The following MRTFA variants were observed in gnomAD, a reference collection of about 807,000 sequenced individuals.
MRTFA encodes myocardin related transcription factor A.
Under a neutral mutation model 83.5 loss-of-function variants are expected in MRTFA, and 20 were observed. The observed-to-expected ratio is 0.24, with a 90% CI of 0.17 to 0.35. The LOEUF (loss-of-function observed/expected upper bound fraction) is 0.35, where lower values mean the gene tolerates loss of function less well. Ranked by LOEUF, MRTFA falls within the 10% of genes least tolerant of loss-of-function variation. The pLI, the probability that MRTFA is intolerant of heterozygous loss-of-function variation, is 1.00. For missense variants in MRTFA, 1,200 were observed against 1,224.7 expected (o/e 0.98, Z 0.30); for synonymous variants, 659 against 541.2 (o/e 1.22, Z -3.02).
rs143491858 is a variant in MRTFA, at chr22:40,573,300, G to A, written c.-21-20933C>T. 4.1e-3 allele frequency among the ~76,000 whole-genome samples: 617 copies of A among 152,214 alleles called. 2 individuals are homozygous for A. The highest frequency in any genetic ancestry group is 6.8e-3 in the Middle Eastern group (2 of 294). On this transcript the variant is annotated intron_variant, in intron 2 of 14. Transcript: ENST00000355630. ...GACTGAATCTTGCTCTGTCACCCAG[G>A]CTGGAGTGCAGTGGCACTATCTCAG...
intron 3 of MRTFA, among the ~76,000 whole-genome samples, chr22:40,547,617 C>G (rs2055385378): frequency 6.6e-6 from 1 of 152,156 alleles, no homozygotes; most frequent in South Asian, 2.1e-4. Context: ...TTTTGGAGGA[C>G]AAGGTGGACG....
Position 40,533,508 on chromosome 22 carries a change from A to AT in MRTFA, c.241+18597dup, listed in dbSNP as rs567591524. 1.7e-4 allele frequency: 148 copies of AT among 849,146 alleles called. No homozygotes were observed. The South Asian group carries it at 2.5e-3, about 14-fold the overall frequency. 52.6% of individuals were successfully genotyped at this position (849,146 alleles called of 1,614,324 possible). A position where few individuals can be genotyped will look rare whatever the true frequency, so the allele number is the denominator to read the frequency against. ...TCCACTCCTAGTACAAATATGACCC[A>AT]TTTTTTTTAAAGAAGCCTGTGGCAA... On this transcript the variant is annotated intron_variant, in intron 3 of 14. Coordinates refer to ENST00000355630, the MANE Select transcript of MRTFA (RefSeq NM_020831.6).
At chr22:40,454,853 G>A (rs2053555422) in intron 4 of MRTFA, among the ~76,000 whole-genome samples, 1 of 152,188 alleles carries the variant, frequency 6.6e-6, no homozygotes, top group African/African-American at 2.4e-5. Context: ...GAGTGCAGTG[G>A]CATGAACACA....
chr22:40,563,041 C>T lies in MRTFA; in HGVS notation c.-21-10674G>A, dbSNP rs12160746. On this transcript the variant is annotated intron_variant, in intron 2 of 14. Transcript: ENST00000355630. ...AGGGAATCAGTCATCCAAATATTTC[C>T]TCTTCCCCCAACAAAAAGGATAACA... is the stretch of plus-strand genomic sequence containing the variant. Among the ~76,000 whole-genome samples, 1,140 of 152,204 alleles carry T rather than the reference C, an allele frequency of 7.5e-3. 27 individuals carry two copies. Among genetic ancestry groups the T allele is most frequent in the Middle Eastern group, 0.075 (22 of 294 alleles).
chr22:40,461,567 G>A (rs1009668980), intron 4 of MRTFA, among the ~76,000 whole-genome samples: 4 of 149,626 alleles, frequency 2.7e-5, no homozygotes, highest in East Asian at 2.0e-4. Flanking sequence ...GGAGGATCAC[G>A]AGGCCAAGAG....
At chr22:40,469,412 T>C (rs2053863081) in intron 3 of MRTFA, among the ~76,000 whole-genome samples, 1 of 152,158 alleles carries the variant, frequency 6.6e-6, no homozygotes, top group South Asian at 2.1e-4. Context: ...CTGCTCCCCA[T>C]GTGCCTTCTG....
At chr22:40,577,651 T>C (rs2147354724) in intron 2 of MRTFA, among the ~76,000 whole-genome samples, 1 of 151,580 alleles carries the variant, frequency 6.6e-6, no homozygotes. Flanking sequence ...TCCCTCTTAT[T>C]GCCCAGGCTG....
chr22:40,445,821 T>C (rs2053366866), intron 4 of MRTFA, among the ~76,000 whole-genome samples: 1 of 152,220 alleles, frequency 6.6e-6, no homozygotes, highest in African/African-American at 2.4e-5. Flanking sequence ...TTGCTGGGAT[T>C]ACAGGCGTGA....
intron 2 of MRTFA, among the ~76,000 whole-genome samples, chr22:40,570,661 A>G (rs2055777016): frequency 6.7e-6 from 1 of 150,316 alleles, no homozygotes; most frequent in African/African-American, 2.4e-5. Flanking sequence ...GGAAATGTAT[A>G]TGAGATGGTT....
At chr22:40,435,173 AT>A (rs1336793377) in intron 5 of MRTFA, among the ~76,000 whole-genome samples, 2 of 152,232 alleles carry the variant, frequency 1.3e-5, no homozygotes, top group Non-Finnish European at 1.5e-5. Flanking sequence ...GGAATTAAAG[AT>A]GGGGAAATAC....
At position 40,411,376 on chromosome 22, in the gene MRTFA, CTT is replaced by C; in HGVS notation, c.*12_*13del. ...GCTCCCAGCCCCTTCCCCACCCCGT[CTT>C]GAGCCAGAGAGCTACAAGCAGGAAT... On this transcript the variant is annotated 3_prime_UTR_variant, in exon 15 of 15. Transcript: ENST00000355630. 6.5e-7 allele frequency: 1 copy of C among 1,541,418 alleles called. No individual in the cohort carries two copies. The highest frequency in any genetic ancestry group is 2.3e-5 in the East Asian group (1 of 43,838).
chr22:40,500,781 C>T (rs2054454079), intron 3 of MRTFA, among the ~76,000 whole-genome samples: 1 of 151,098 alleles, frequency 6.6e-6, no homozygotes, highest in South Asian at 2.1e-4. Context: ...GAAAAGTCTC[C>T]CATGTCTACT....
At chr22:40,586,045 T>A (rs1256300823) in intron 2 of MRTFA, among the ~76,000 whole-genome samples, 2 of 152,116 alleles carry the variant, frequency 1.3e-5, no homozygotes, top group Non-Finnish European at 2.9e-5. Flanking sequence ...GTGTATTGGG[T>A]CTGAATGTAA....
At chr22:40,624,162 A>G (rs1256589538) in intron 1 of MRTFA, among the ~76,000 whole-genome samples, 1 of 150,644 alleles carries the variant, frequency 6.6e-6, no homozygotes, top group Admixed American at 6.6e-5. Context: ...AGTGGCTAAC[A>G]CCTGTAATCC....
intron 1 of MRTFA, among the ~76,000 whole-genome samples, chr22:40,598,853 T>A (rs1393676557): frequency 1.3e-5 from 2 of 148,384 alleles, no homozygotes; most frequent in Non-Finnish European, 3.0e-5. Flanking sequence ...TAGCCAGGTG[T>A]GGCAGTGCAC....
At position 40,418,473 on chromosome 22, in the gene MRTFA, A is replaced by G; in HGVS notation, c.2265T>C (p.Pro755=). 6.2e-7 allele frequency: 1 copy of G among 1,613,412 alleles called. No individual in the cohort carries two copies. The highest frequency in any genetic ancestry group is 8.5e-7 in the Non-Finnish European group (1 of 1,179,656). ...CTGTGGAGTCGGTGATGAGGGTGGGAGGTGCAACCCCCTTGATGAGGCTGG... is the reference window on the plus strand; with the variant it reads ...CTGTGGAGTCGGTGATGAGGGTGGGGGGTGCAACCCCCTTGATGAGGCTGG... The change falls in exon 12 of 15, where the codon CCT becomes CCC. Residue 755 remains proline (P), a synonymous_variant. Transcript: ENST00000355630.
intron 2 of MRTFA, among the ~76,000 whole-genome samples, chr22:40,577,606 C>G (rs73169043): frequency 1.4e-5 from 2 of 148,034 alleles, no homozygotes; most frequent in Non-Finnish European, 3.0e-5. Context: ...CAATCTACAT[C>G]TGATTTTTTT....
chr22:40,429,865 G>A (rs2053032603), intron 6 of MRTFA, 98 bp from the exon 7 acceptor site: 6 of 1,271,342 alleles, frequency 4.7e-6, no homozygotes, highest in South Asian at 4.3e-5. Flanking sequence ...TGGGCAAGAG[G>A]AGTGACTGTC....
At chr22:40,459,766 C>A (rs1004226672) in intron 4 of MRTFA, among the ~76,000 whole-genome samples, 1 of 133,596 alleles carries the variant, frequency 7.5e-6, no homozygotes, top group African/African-American at 2.8e-5. Flanking sequence ...GCACTGGGGA[C>A]GGGACTGATA....
Sources: gnomAD v4.1 joint callset for allele counts (sites outside exome capture counted in the v4.1 genomes callset) on GRCh38, gnomAD v4.1.1 for gene constraint, MANE v1.5 for transcripts, NCBI Gene and HGNC (gene_info 2026-07-23, HGNC 2026-07-21) for gene names.